The following MRI1 variants were observed in gnomAD, a reference collection of about 807,000 sequenced individuals.
MRI1 encodes the protein methylthioribose-1-phosphate isomerase.
MRI1 carries 32 observed loss-of-function variants against 27.3 expected under a neutral mutation model. The ratio of observed to expected loss-of-function variants is 1.17; its 90% CI spans 0.88 to 1.57. The LOEUF (loss-of-function observed/expected upper bound fraction) is 1.57, where lower values mean the gene tolerates loss of function less well. Among genes scored for constraint, MRI1 ranks in the 40% most tolerant of loss-of-function variants. The probability of loss-of-function intolerance (pLI) is 0.00; values close to 1 mark genes in which losing one functional copy is unlikely to be tolerated. For synonymous variants in MRI1, 216 were observed against 227.4 expected (o/e 0.95, Z 0.45); for missense variants, 508 against 516.1 (o/e 0.98, Z 0.15).
At chr19:13,767,641 C>A (rs1599553431) in intron 3 of MRI1, among the ~76,000 whole-genome samples, 2 of 151,044 alleles carry the variant, frequency 1.3e-5, no homozygotes, top group African/African-American at 2.4e-5. Flanking sequence ...CCCATCTCTA[C>A]AAAAAATACT....
Position 13,768,952 on chromosome 19 carries a change from T to C in MRI1, c.853T>C (p.Cys285Arg), listed in dbSNP as rs76748804. ...CTACGTGGCTGCCCCCAGCTCTTCA[T>C]GTGACCTCCGTCTGGAGACCGGCAA... Reference protein sequence around the residue: ...PFYVAAPSSSCDLRLETGKEI... With the variant: ...PFYVAAPSSSRDLRLETGKEI... The change falls in exon 5 of 6, where the codon TGT (cysteine) becomes CGT (arginine). Residue 285 changes from cysteine to arginine, a missense_variant. Cys to Arg is a radical substitution (Grantham distance 180). Coordinates refer to ENST00000040663, the MANE Select transcript of MRI1 (RefSeq NM_001031727.4). The C allele has an allele frequency of 3.7e-6, 6 of 1,614,126 alleles. No homozygotes were observed. In the South Asian group the frequency reaches 6.6e-5, roughly 18 times the overall value.
In MRI1 at chr19:13,768,881, G is replaced by A. The variant is rs1788121903; in HGVS notation, c.782G>A (p.Gly261Asp). ...VANGDTANKVGTYQLAIVAKH... is the reference protein window; with the variant it reads ...VANGDTANKVDTYQLAIVAKH... ...AACGGCGACACAGCCAACAAGGTGG[G>A]CACCTACCAGCTGGCCATTGTCGCC... is the stretch of plus-strand genomic sequence containing the variant. Residue 261 changes from glycine (G) to aspartate (D), a missense_variant, in exon 5 of 6, where the codon GGC becomes GAC. Physicochemically the swap from Gly to Asp is moderately conservative, Grantham distance 94. Transcript: ENST00000040663. The A allele has an allele frequency of 6.2e-7, 1 of 1,613,678 alleles. No individual in the cohort carries two copies. Among genetic ancestry groups the A allele is most frequent in the African/African-American group, 1.3e-5 (1 of 74,934 alleles).
At chr19:13,771,990 G>T in intron 5 of MRI1, 131 bp from the exon 6 acceptor site, 1 of 768,148 alleles carries the variant, frequency 1.3e-6, no homozygotes, top group East Asian at 2.6e-5. Flanking sequence ...TGTACTTTTG[G>T]GGTGAGAATC....
At chr19:13,767,993 C>T (rs756529839) in intron 3 of MRI1, among the ~76,000 whole-genome samples, 2 of 151,208 alleles carry the variant, frequency 1.3e-5, no homozygotes, top group Admixed American at 6.6e-5. Context: ...CTCCGCCTCT[C>T]GAGTAGCTGG....
Position 13,773,173 on chromosome 19 carries a change from T to A in MRI1, c.*892T>A, listed in dbSNP as rs886073411. 1 of 152,048 alleles carries A rather than the reference T, an allele frequency of 6.6e-6. No homozygotes were observed. The allele number at this position is 152,048 out of a possible 1,614,324, so 9.4% of individuals were successfully genotyped here. On this transcript the variant is annotated 3_prime_UTR_variant, in exon 6 of 6. Coordinates refer to ENST00000040663, the MANE Select transcript of MRI1 (RefSeq NM_001031727.4). ...ACAGGCATGCGCCACCATGCCCAGC[T>A]AATTTTTCTATTTTTAGTAGAGACA...
In MRI1 at chr19:13,766,096, G is replaced by T. The variant is rs1402659765; in HGVS notation, c.514G>T (p.Ala172Ser). 2.5e-6 allele frequency: 4 copies of T among 1,605,298 alleles called. No individual in the cohort carries two copies. Among genetic ancestry groups the T allele is most frequent in the Non-Finnish European group, 3.4e-6 (4 of 1,174,910 alleles). The part of the protein sequence containing the change: ...VTVLTHCNTG[A>S]LATAGYGTAL... ...TGTGCTGACCCACTGTAACACTGGT[G>T]CTCTGGCCACCGCTGGCTATGGTAC... The change falls in exon 3 of 6, where the codon GCT (alanine) becomes TCT (serine). Residue 172 changes from alanine (A) to serine (S), a missense_variant. Ala to Ser is a moderately conservative substitution (Grantham distance 99). Coordinates refer to ENST00000040663, the MANE Select transcript of MRI1 (RefSeq NM_001031727.4).
Position 13,765,082 on chromosome 19 carries a change from G to A in MRI1, c.344G>A (p.Gly115Asp). The change falls in exon 2 of 6, where the codon GGC becomes GAC. Residue 115 changes from glycine (G) to aspartate (D), a missense_variant. Physicochemically the swap from Gly to Asp is moderately conservative, Grantham distance 94 (BLOSUM62 -1). This residue lies in a region of MRI1 where 457 missense variants were observed against 452.8 expected (regional missense o/e 1.01). Coordinates refer to ENST00000040663, the MANE Select transcript of MRI1 (RefSeq NM_001031727.4). ...DVAAREAEREGATEEAVRERV... is the reference protein window; with the variant it reads ...DVAAREAEREDATEEAVRERV... ...GCAGCCCGGGAGGCCGAACGGGAGGGCGCTACGGAAGAGGCGGTCCGGGAG... is the reference window on the plus strand; with the variant it reads ...GCAGCCCGGGAGGCCGAACGGGAGGACGCTACGGAAGAGGCGGTCCGGGAG... 1.3e-6 allele frequency: 2 copies of A among 1,536,212 alleles called. No homozygotes were observed.
chr19:13,769,001 C>T lies in MRI1; in HGVS notation c.902C>T (p.Pro301Leu), dbSNP rs866977297. ...TGKEIIIEER[P>L]GQELTDVNGV... is the part of the protein sequence containing the mutation. Reference sequence around the variant, plus strand: ...AAGGAGATCATTATTGAAGAGCGACCGGGCCAGGAGCTGACCGATGTTAAT... The same window carrying T: ...AAGGAGATCATTATTGAAGAGCGACTGGGCCAGGAGCTGACCGATGTTAAT... The change falls in exon 5 of 6, where the codon CCG (proline) becomes CTG (leucine). Residue 301 changes from proline to leucine, a missense_variant. Physicochemically the swap from Pro to Leu is moderately conservative, Grantham distance 98. Around this residue, in one of 3 missense-constraint regions of MRI1, gnomAD observed 457 missense variants for 452.8 expected, o/e 1.01. Transcript: ENST00000040663. 3.2e-5 allele frequency: 51 copies of T among 1,613,656 alleles called. No homozygotes were observed. The Admixed American group carries it at 3.3e-4, about 11-fold the overall frequency.
At chr19:13,772,024 A>T in intron 5 of MRI1, 97 bp from the exon 6 acceptor site, 1 of 1,246,470 alleles carries the variant, frequency 8.0e-7, no homozygotes, top group Admixed American at 2.3e-5. Context: ...GGACTCCCCA[A>T]CTCCAAGAAC....
chr19:13,769,157 C>G (rs777390710), intron 5 of MRI1, 109 bp downstream of exon 5: 313 of 939,090 alleles, frequency 3.3e-4, no homozygotes, highest in Non-Finnish European at 4.2e-4. Context: ...CTCCTACAAG[C>G]CACTTTTTCT....
In MRI1 at chr19:13,772,853, T is replaced by C. The variant is rs1471036272; in HGVS notation, c.*572T>C. Reference sequence around the variant, plus strand: ...AAAAATAAATATAATTAATTAATTATTTAATTAAAAAAATAAAAAATAAAT... The same window carrying C: ...AAAAATAAATATAATTAATTAATTACTTAATTAAAAAAATAAAAAATAAAT... On this transcript the variant is annotated 3_prime_UTR_variant, in exon 6 of 6. Transcript: ENST00000040663. 6.6e-6 allele frequency: 1 copy of C among 151,420 alleles called. No homozygotes were observed. The highest frequency in any genetic ancestry group is 1.5e-5 in the Non-Finnish European group (1 of 67,968). 9.4% of individuals were successfully genotyped at this position (151,420 alleles called of 1,614,324 possible).
rs567742210 is a variant in MRI1 at position 13,770,953 on chromosome 19, A to G, written c.950-1168A>G. ...CAATATTAGCATTATGGGGCCAGGTAAAATGGCTCACACCTGAAATCCCAG... is the reference window on the plus strand; with the variant it reads ...CAATATTAGCATTATGGGGCCAGGTGAAATGGCTCACACCTGAAATCCCAG... On this transcript the variant is annotated intron_variant, in intron 5 of 5. Transcript: ENST00000040663. 7.2e-5 allele frequency among the ~76,000 whole-genome samples: 11 copies of G among 152,056 alleles called. No homozygotes were observed. In the South Asian group the frequency reaches 2.3e-3, roughly 32 times the overall value.
chr19:13,768,514 G>C (rs767323231), intron 3 of MRI1, 47 bp from the exon 4 acceptor site: 9 of 1,594,464 alleles, frequency 5.6e-6, no homozygotes, highest in Middle Eastern at 1.7e-4. Context: ...CACCCTGTCT[G>C]TTTGCCCCTC....
Position 13,768,749 on chromosome 19 carries a change from G to T in MRI1, c.724+12G>T. On this transcript the variant is annotated intron_variant, in intron 4 of 5. Coordinates refer to ENST00000040663, the MANE Select transcript of MRI1 (RefSeq NM_001031727.4). Reference sequence around the variant, plus strand: ...TAGGGGCGTGTCAGGTAAGCAGACGGTAAGCCCTGGGGGCGGGGCTCTGGA... The same window carrying T: ...TAGGGGCGTGTCAGGTAAGCAGACGTTAAGCCCTGGGGGCGGGGCTCTGGA... 2 of 1,609,300 alleles carry T rather than the reference G, an allele frequency of 1.2e-6. No homozygotes were observed. Among genetic ancestry groups the T allele is most frequent in the South Asian group, 2.2e-5 (2 of 90,816 alleles).
chr19:13,768,706 G>A lies in MRI1; in HGVS notation c.693G>A (p.Val231=). 6.2e-7 allele frequency: 1 copy of A among 1,613,894 alleles called. No individual in the cohort carries two copies. Among genetic ancestry groups the A allele is most frequent in the Non-Finnish European group, 8.5e-7 (1 of 1,180,000 alleles). Residue 231 remains valine, a synonymous_variant, in exon 4 of 6, where the codon GTG becomes GTA. Transcript: ENST00000040663. ...CCACCCTTATCACCGACAGCATGGT[G>A]GCTGCTGCCATGGCCCATAGGGGCG... ...IPATLITDSM[V]AAAMAHRGVS...
chr19:13,768,025 C>T (rs766630453), intron 3 of MRI1, among the ~76,000 whole-genome samples: 5 of 151,834 alleles, frequency 3.3e-5, no homozygotes, highest in East Asian at 1.9e-4. Context: ...CCCGCCACCA[C>T]GCCCGGCTAA....
rs1974321338 is a variant in MRI1 at position 13,773,732 on chromosome 19, A to G, written c.*1451A>G. On this transcript the variant is annotated 3_prime_UTR_variant, in exon 6 of 6. Coordinates refer to ENST00000040663, the MANE Select transcript of MRI1 (RefSeq NM_001031727.4). Reference sequence around the variant, plus strand: ...GAGTACAGTGGTGCCATCTCAGCTCACTGCAACCTCCGCCTTCTGGGTTCA... The same window carrying G: ...GAGTACAGTGGTGCCATCTCAGCTCGCTGCAACCTCCGCCTTCTGGGTTCA... 1 of 152,186 alleles carries G rather than the reference A, an allele frequency of 6.6e-6. No individual in the cohort carries two copies. The highest frequency in any genetic ancestry group is 2.4e-5 in the African/African-American group (1 of 41,406). 9.4% of individuals were successfully genotyped at this position (152,186 alleles called of 1,614,324 possible). A position where few individuals can be genotyped will look rare whatever the true frequency, so the allele number is the denominator to read the frequency against.
Position 13,766,077 on chromosome 19 carries a change from G to A in MRI1, c.495G>A (p.Leu165=), listed in dbSNP as rs936754336. 2 of 1,612,502 alleles carry A rather than the reference G, an allele frequency of 1.2e-6. No individual in the cohort carries two copies. The highest frequency in any genetic ancestry group is 1.3e-5 in the African/African-American group (1 of 75,042). The change falls in exon 3 of 6, where the codon CTG becomes CTA. Residue 165 remains leucine (L), a synonymous_variant. Coordinates refer to ENST00000040663, the MANE Select transcript of MRI1 (RefSeq NM_001031727.4). ...CCAGCGGTGGCAAGGTGACTGTGCT[G>A]ACCCACTGTAACACTGGTGCTCTGG... ...VAPSGGKVTV[L]THCNTGALAT...
Position 13,765,933 on chromosome 19 carries a change from GA to G in MRI1, c.372-17del. Reference sequence around the variant, plus strand: ...GCCCCGGGTCCTGGTGGCTGGTGCTGAAAACTCCTTGTCACCCCAGAGTGAT... The same window carrying G: ...GCCCCGGGTCCTGGTGGCTGGTGCTGAAACTCCTTGTCACCCCAGAGTGAT... On this transcript the variant is annotated intron_variant, in intron 2 of 5. Transcript: ENST00000040663. 6.4e-7 allele frequency: 1 copy of G among 1,566,886 alleles called. No homozygotes were observed. Among genetic ancestry groups the G allele is most frequent in the Non-Finnish European group, 8.7e-7 (1 of 1,153,916 alleles).
Sources: allele counts gnomAD v4.1 joint callset (sites outside exome capture counted in the v4.1 genomes callset), GRCh38; gene constraint gnomAD v4.1.1; regional missense constraint gnomAD v4.1.1; transcripts MANE v1.5; gene names NCBI Gene and HGNC (gene_info 2026-07-23, HGNC 2026-07-21).